WDR89: variants seen among roughly 807,000 people sequenced by gnomAD.
The protein encoded by WDR89 is WD repeat-containing protein 89.
WDR89 carries 17 observed loss-of-function variants against 29.1 expected under a neutral mutation model. The observed-to-expected ratio is 0.58, with a 90% confidence interval of 0.40 to 0.88. WDR89 has a LOEUF of 0.88. WDR89 is among the 40% of genes least tolerant of loss of function. The pLI, the probability that WDR89 is intolerant of heterozygous loss-of-function variation, is 0.00. For missense variants in WDR89, 396 were observed against 456.3 expected (o/e 0.87, Z 1.20); for synonymous variants, 138 against 157.8 (o/e 0.87, Z 0.94).
intron 1 of WDR89, among the ~76,000 whole-genome samples, chr14:63,626,544 G>A (rs1387411420): frequency 6.6e-6 from 1 of 151,206 alleles, no homozygotes; most frequent in African/African-American, 2.4e-5. Context: ...AGGTGTGGTG[G>A]TGCACGCCTG....
At chr14:63,627,958 G>A (rs938041516) in intron 1 of WDR89, among the ~76,000 whole-genome samples, 2 of 152,260 alleles carry the variant, frequency 1.3e-5, no homozygotes, top group African/African-American at 4.8e-5. Flanking sequence ...CTAATAGGCT[G>A]AGCACAGTGG....
chr14:63,620,997 T>C (rs1437026670), intron 2 of WDR89, among the ~76,000 whole-genome samples: 2 of 151,992 alleles, frequency 1.3e-5, no homozygotes, highest in South Asian at 2.1e-4. Context: ...GGTATGTTAA[T>C]TGGCTTGATC....
chr14:63,632,662 G>GGATGAATTATACA (rs557736910), intron 1 of WDR89, among the ~76,000 whole-genome samples: 5 of 151,942 alleles, frequency 3.3e-5, no homozygotes, highest in African/African-American at 1.2e-4. Flanking sequence ...CTAGGAAACT[G>GGATGAATTATACA]GATGAATTAT....
intron 2 of WDR89, among the ~76,000 whole-genome samples, chr14:63,619,557 A>T (rs1882540138): frequency 6.6e-6 from 1 of 152,212 alleles, no homozygotes; most frequent in African/African-American, 2.4e-5. Context: ...CCACTGCTTC[A>T]CTTGACAAGG....
At chr14:63,620,897 C>CAAAAAAAAAAAAAAA (rs539451063) in intron 2 of WDR89, among the ~76,000 whole-genome samples, 21 of 82,914 alleles carry the variant, frequency 2.5e-4, no homozygotes, top group African/African-American at 1.0e-3. Context: ...GACTCCATCT[C>CAAAAAAAAAAAAAAA]AAAAAAAAAA....
intron 1 of WDR89, chr14:63,641,493 G>A: frequency 6.6e-6 from 1 of 152,306 alleles, no homozygotes; most frequent in East Asian, 1.9e-4. Flanking sequence ...GTCTTTCCCT[G>A]AAAATGAGCA....
chr14:63,607,214 C>T (rs988622684), intron 2 of WDR89, among the ~76,000 whole-genome samples: 1 of 152,124 alleles, frequency 6.6e-6, no homozygotes, highest in Non-Finnish European at 1.5e-5. Flanking sequence ...CCAGGCTGGA[C>T]TGCAGTGACA....
In WDR89 at chr14:63,599,977, T is replaced by TA. The variant is rs760742378; in HGVS notation, c.-31-5dup. The TA allele has an allele frequency of 7.4e-7, 1 of 1,343,038 alleles. No homozygotes were observed. Among genetic ancestry groups the TA allele is most frequent in the Non-Finnish European group, 9.7e-7 (1 of 1,026,616 alleles). 83.2% of individuals were successfully genotyped at this position (1,343,038 alleles called of 1,614,324 possible). ...AGCATCCAAGGGTAGTAAAACTCTG[T>TA]AAAAAATAATAATAATAAAAATAAA... On this transcript the variant is annotated splice_region_variant and splice_polypyrimidine_tract_variant and intron_variant, in intron 2 of 2. Coordinates refer to ENST00000620954, the MANE Select transcript of WDR89 (RefSeq NM_080666.4).
chr14:63,610,201 C>A (rs1595021865), intron 2 of WDR89, among the ~76,000 whole-genome samples: 1 of 101,636 alleles, frequency 9.8e-6, no homozygotes, highest in Admixed American at 1.5e-4. Context: ...GCCGGGGCGA[C>A]AGAGTAAGAC....
chr14:63,622,763 T>C (rs566430288), intron 2 of WDR89, among the ~76,000 whole-genome samples: 1 of 152,234 alleles, frequency 6.6e-6, no homozygotes, highest in East Asian at 1.9e-4. Flanking sequence ...CAAGACTCCA[T>C]CTCTAAATAA....
intron 1 of WDR89, among the ~76,000 whole-genome samples, chr14:63,638,478 T>C (rs1389214725): frequency 2.4e-4 from 36 of 152,156 alleles, no homozygotes; most frequent in Admixed American, 2.4e-3. Flanking sequence ...CAGTCTTTTC[T>C]CTAGAACAGC....
chr14:63,621,151 G>A (rs143914663), intron 2 of WDR89, among the ~76,000 whole-genome samples: 179 of 152,262 alleles, frequency 1.2e-3, no homozygotes, highest in African/African-American at 4.1e-3. Context: ...TGGTGGGAAT[G>A]TAAAATGTAG....
intron 2 of WDR89, among the ~76,000 whole-genome samples, chr14:63,605,393 T>C (rs1017990943): frequency 6.6e-6 from 1 of 151,936 alleles, no homozygotes; most frequent in Non-Finnish European, 1.5e-5. Flanking sequence ...GTACAGTACA[T>C]AATACTTCAT....
chr14:63,599,032 TTCA>T lies in WDR89; in HGVS notation c.908_910del (p.Met303del). On this transcript the variant is annotated inframe_deletion, in exon 3 of 3. Transcript: ENST00000620954. ...ATGGGTCAGTCCTGACATGCTGCAG[TTCA>T]TCAAATGAATCCTTCCTTTGTTTGT... 1.9e-6 allele frequency: 3 copies of T among 1,614,246 alleles called. No individual in the cohort carries two copies. Among genetic ancestry groups the T allele is most frequent in the Non-Finnish European group, 2.5e-6 (3 of 1,180,040 alleles).
intron 1 of WDR89, among the ~76,000 whole-genome samples, chr14:63,639,452 AAAAG>A (rs544886085): frequency 2.5e-4 from 38 of 152,226 alleles, no homozygotes; most frequent in South Asian, 8.3e-4. Flanking sequence ...GGAAAAAAAA[AAAAG>A]AAAGAAACAA....
intron 2 of WDR89, among the ~76,000 whole-genome samples, chr14:63,623,264 C>G (rs1432557010): frequency 1.4e-5 from 2 of 144,364 alleles, no homozygotes; most frequent in Non-Finnish European, 3.0e-5. Flanking sequence ...AACAAACACA[C>G]AAAATATTAA....
At position 63,599,259 on chromosome 14, in the gene WDR89, AC is replaced by A. The variant is rs1894931516; in HGVS notation, c.683del (p.Gly228ValfsTer8). 6.2e-7 allele frequency: 1 copy of A among 1,611,346 alleles called. No individual in the cohort carries two copies. Among genetic ancestry groups the A allele is most frequent in the Admixed American group, 1.7e-5 (1 of 59,900 alleles). ...SVSCIGWSGK[G>X]YKQIYCMTHD... is the part of the protein sequence containing the mutation. ...GTGTCATGCAGTAAATCTGTTTATA[AC>A]CTTTCCCAGACCAACCAATACAGCT... On this transcript the variant is annotated frameshift_variant, in exon 3 of 3. Coordinates refer to ENST00000620954, the MANE Select transcript of WDR89 (RefSeq NM_080666.4). LOFTEE classifies it high-confidence loss of function.
At position 63,630,952 on chromosome 14, in the gene WDR89, A is replaced by AT. The variant is rs528943129; in HGVS notation, c.-137-5920dup. Among the ~76,000 whole-genome samples the AT allele has an allele frequency of 9.2e-4, 140 of 151,924 alleles. 2 individuals carry two copies. In the East Asian group the frequency reaches 0.012, roughly 13 times the overall value. On this transcript the variant is annotated intron_variant, in intron 1 of 2. Transcript: ENST00000620954. ...ACCATGCCCCAGCTAATTTTTTAAT[A>AT]TTTTTTTTGTAGACACAAGGTCTCA...
chr14:63,627,148 A>ACT (rs1216848834), intron 1 of WDR89, among the ~76,000 whole-genome samples: 1,719 of 128,236 alleles, frequency 0.013, 12 homozygotes, highest in African/African-American at 0.035. Context: ...ACACACACAC[A>ACT]CACTCTCTCT....
Sources: gnomAD v4.1 joint callset for allele counts (sites outside exome capture counted in the v4.1 genomes callset) on GRCh38, gnomAD v4.1.1 for gene constraint, MANE v1.5 for transcripts, NCBI Gene and HGNC (gene_info 2026-07-23, HGNC 2026-07-21) for gene names.